The following CUL9 variants were observed in gnomAD, a reference collection of about 807,000 sequenced individuals.
CUL9 encodes the protein cullin 9, also known as cullin-9.
A neutral mutation model predicts 272.6 loss-of-function variants in CUL9; 79 were observed. The observed-to-expected ratio is 0.29, with a 90% CI of 0.24 to 0.35. The LOEUF (loss-of-function observed/expected upper bound fraction) is 0.35, where lower values mean the gene tolerates loss of function less well. Among genes scored for constraint, CUL9 ranks in the 10% least tolerant of loss-of-function variants. CUL9 has a pLI of 1.00. For missense variants in CUL9, 2,532 were observed against 3,255.6 expected, an observed-to-expected ratio of 0.78 and a Z score of 5.41; for synonymous variants, 1,186 against 1,286.5, an observed-to-expected ratio of 0.92 and a Z score of 1.67.
chr6:43,215,949 A>G (rs1171759989), intron 30 of CUL9, among the ~76,000 whole-genome samples: 4 of 152,198 alleles, frequency 2.6e-5, no homozygotes, highest in Non-Finnish European at 5.9e-5. Flanking sequence ...TTTTGTCCCC[A>G]GTCATTGCAA....
At position 43,185,454 on chromosome 6, in the gene CUL9, A is replaced by G; in HGVS notation, c.596-2A>G. ...AAGATATGGATTGGGTATGGATTAC[A>G]GGGAGTCGGGCTCACGTCCTTCTAT... On this transcript the variant is annotated splice_acceptor_variant, in intron 2 of 40. Transcript: ENST00000252050. LOFTEE classifies it high-confidence loss of function. The G allele has an allele frequency of 1.2e-6, 2 of 1,613,274 alleles. No homozygotes were observed. The highest frequency in any genetic ancestry group is 2.2e-5 in the South Asian group (2 of 91,074).
chr6:43,220,564 C>T lies in CUL9; in HGVS notation c.6388C>T (p.Arg2130Cys), dbSNP rs1170514062. ...CPAQPTGAFI[R>C]AIVSSPEVIS... ...CGCCCAGCCCACCGGAGCCTTCATT[C>T]GTGCCATCGTCTCCTCGCCAGAGGT... is the stretch of plus-strand genomic sequence containing the variant. The change falls in exon 32 of 41, where the codon CGT (arginine) becomes TGT (cysteine). Residue 2130 changes from arginine (R) to cysteine (C), a missense_variant. Physicochemically the swap from Arg to Cys is radical, Grantham distance 180. Coordinates refer to ENST00000252050, the MANE Select transcript of CUL9 (RefSeq NM_015089.4). The surrounding 1 kb of genome is among the most constrained non-coding windows in gnomAD (Gnocchi z 4.9). 6.2e-6 allele frequency: 10 copies of T among 1,614,032 alleles called. No homozygotes were observed. Among genetic ancestry groups the T allele is most frequent in the Admixed American group, 3.3e-5 (2 of 59,994 alleles).
Position 43,200,274 on chromosome 6 carries a change from A to G in CUL9, c.3384+118A>G, listed in dbSNP as rs771637137. The G allele has an allele frequency of 1.2e-5, 17 of 1,446,438 alleles. No homozygotes were observed. In the East Asian group the frequency reaches 4.1e-4, roughly 35 times the overall value. The allele number at this position is 1,446,438 out of a possible 1,614,324, so 89.6% of individuals were successfully genotyped here. The stretch of plus-strand genomic sequence containing the variant: ...GCACAGGTTGTAGCAAATCTGGGGC[A>G]CTTGTTTCCTAACCTTGACTCCACA... On this transcript the variant is annotated intron_variant, in intron 14 of 40. Coordinates refer to ENST00000252050, the MANE Select transcript of CUL9 (RefSeq NM_015089.4). The surrounding 1 kb of genome is among the most constrained non-coding windows in gnomAD (Gnocchi z 4.0).
intron 26 of CUL9, among the ~76,000 whole-genome samples, chr6:43,211,886 CCT>C (rs1775533053): frequency 6.6e-6 from 1 of 152,070 alleles, no homozygotes; most frequent in Non-Finnish European, 1.5e-5. Context: ...CTCATATTTC[CCT>C]GATTGCCTTG....
chr6:43,223,696 C>T lies in CUL9; in HGVS notation c.7284+299C>T. ...GGGAACTTTTCCAGACTGTACTTCC[C>T]AGATAGGGATTTGAAATCCTAAGAG... is the stretch of plus-strand genomic sequence containing the variant. On this transcript the variant is annotated intron_variant, in intron 39 of 40. Transcript: ENST00000252050. The surrounding 1 kb of genome is among the most constrained non-coding windows in gnomAD (Gnocchi z 4.1). 1 of 517,632 alleles carries T rather than the reference C, an allele frequency of 1.9e-6. No homozygotes were observed. The highest frequency in any genetic ancestry group is 3.2e-5 in the East Asian group (1 of 31,336). 32.1% of individuals were successfully genotyped at this position (517,632 alleles called of 1,614,324 possible).
chr6:43,189,503 A>C (rs372405240), intron 8 of CUL9, among the ~76,000 whole-genome samples: 9 of 152,132 alleles, frequency 5.9e-5, no homozygotes, highest in African/African-American at 2.2e-4. Context: ...TAAATTATAC[A>C]AATAACACAC....
chr6:43,203,277 G>A lies in CUL9; in HGVS notation c.3849+73G>A, dbSNP rs758258344. Reference sequence around the variant, plus strand: ...AAGTTTCTCCTTGATCTGCTTGGGAGATGGCCCAGGACCTGTTGAGTCCCA... The same window carrying A: ...AAGTTTCTCCTTGATCTGCTTGGGAAATGGCCCAGGACCTGTTGAGTCCCA... On this transcript the variant is annotated intron_variant, in intron 18 of 40. Coordinates refer to ENST00000252050, the MANE Select transcript of CUL9 (RefSeq NM_015089.4). This position sits in a 1 kb window ranked among gnomAD's most constrained non-coding sequence, Gnocchi z 5.0. The A allele has an allele frequency of 3.4e-5, 54 of 1,598,590 alleles. No individual in the cohort carries two copies. The highest frequency in any genetic ancestry group is 4.5e-5 in the Non-Finnish European group (53 of 1,166,546).
chr6:43,203,765 AG>A lies in CUL9; in HGVS notation c.4026-85del. 1.3e-6 allele frequency: 2 copies of A among 1,536,800 alleles called. No homozygotes were observed. Among genetic ancestry groups the A allele is most frequent in the Non-Finnish European group, 1.8e-6 (2 of 1,137,806 alleles). On this transcript the variant is annotated intron_variant, in intron 19 of 40. Transcript: ENST00000252050. This position sits in a 1 kb window ranked among gnomAD's most constrained non-coding sequence, Gnocchi z 5.0. ...GGAAAAGTTGGGTCAGGGACCGAAC[AG>A]GGGTGATTGGGAGCTGATCTGCACT...
rs193011386 is a variant in CUL9, at chr6:43,224,539, G to C, written c.*94G>C. On this transcript the variant is annotated 3_prime_UTR_variant, in exon 41 of 41. Coordinates refer to ENST00000252050, the MANE Select transcript of CUL9 (RefSeq NM_015089.4). This position sits in a 1 kb window ranked among gnomAD's most constrained non-coding sequence, Gnocchi z 4.2. ...TGTCATAGGGAGGGGGATTCCCAGC[G>C]TCTGTAGTGCTTCCTGTTTGCTGAA... 3 of 1,162,242 alleles carry C rather than the reference G, an allele frequency of 2.6e-6. No homozygotes were observed. The highest frequency in any genetic ancestry group is 3.6e-6 in the Non-Finnish European group (3 of 827,222). The allele number at this position is 1,162,242 out of a possible 1,614,324, so 72.0% of individuals were successfully genotyped here.
chr6:43,205,150 T>C (rs1257801160), intron 23 of CUL9, 35 bp downstream of exon 23: 1 of 1,574,190 alleles, frequency 6.4e-7, no homozygotes, highest in Non-Finnish European at 8.6e-7. Flanking sequence ...GGCTATAAGC[T>C]TGTGTTCCAA....
In CUL9 at chr6:43,196,215, C is replaced by A; in HGVS notation, c.2535C>A (p.Ser845Arg). 6.2e-7 allele frequency: 1 copy of A among 1,614,154 alleles called. No individual in the cohort carries two copies. The highest frequency in any genetic ancestry group is 8.5e-7 in the Non-Finnish European group (1 of 1,180,046). The part of the protein sequence containing the change: ...IDSATRPGSE[S>R]LLLTVPAAVI... ...CAGCCACACGCCCGGGCTCTGAGAG[C>A]CTGCTCCTCACTGTCCCTGCAGCCG... The change falls in exon 10 of 41, where the codon AGC becomes AGA. Residue 845 changes from serine (S) to arginine (R), a missense_variant. This residue lies in a region of CUL9 where 2,218 missense variants were observed against 2,788.6 expected (regional missense o/e 0.80). Coordinates refer to ENST00000252050, the MANE Select transcript of CUL9 (RefSeq NM_015089.4).
At position 43,216,509 on chromosome 6, in the gene CUL9, GC is replaced by G; in HGVS notation, c.6282+10del. ...GCATGCACTATTGCTGTAAGGTGAG[GC>G]CCCACCAGCATTGCTCCTGCCCCTG... On this transcript the variant is annotated splice_region_variant and intron_variant, in intron 31 of 40. Transcript: ENST00000252050. 1 of 1,573,916 alleles carries G rather than the reference GC, an allele frequency of 6.4e-7. No individual in the cohort carries two copies. The highest frequency in any genetic ancestry group is 1.3e-5 in the African/African-American group (1 of 74,300).
In CUL9 at chr6:43,213,441, G is replaced by A; in HGVS notation, c.5362G>A (p.Val1788Met). 1 of 1,614,110 alleles carries A rather than the reference G, an allele frequency of 6.2e-7. No individual in the cohort carries two copies. Among genetic ancestry groups the A allele is most frequent in the South Asian group, 1.1e-5 (1 of 91,088 alleles). Reference protein sequence around the residue: ...LLLKFNQTEEVSVETLLKDSD... With the variant: ...LLLKFNQTEEMSVETLLKDSD... ...ACTGGGCGTTTCTGCTCATCAGGAGGTGTCAGTAGAGACCTTGCTGAAGGA... is the reference window on the plus strand; with the variant it reads ...ACTGGGCGTTTCTGCTCATCAGGAGATGTCAGTAGAGACCTTGCTGAAGGA... Residue 1788 changes from valine (V) to methionine (M), a missense_variant, in exon 28 of 41, where the codon GTG (valine) becomes ATG (methionine). Physicochemically the swap from Val to Met is conservative, Grantham distance 21. Transcript: ENST00000252050. This position sits in a 1 kb window ranked among gnomAD's most constrained non-coding sequence, Gnocchi z 5.7.
At position 43,220,028 on chromosome 6, in the gene CUL9, G is replaced by A. The variant is rs2651195; in HGVS notation, c.6283-431G>A. Among the ~76,000 whole-genome samples, 18,409 of 152,068 alleles carry A rather than the reference G, an allele frequency of 0.12. 2,663 individuals carry two copies. Among genetic ancestry groups the A allele is most frequent in the African/African-American group, 0.35 (14,404 of 41,406 alleles). On this transcript the variant is annotated intron_variant, in intron 31 of 40. Coordinates refer to ENST00000252050, the MANE Select transcript of CUL9 (RefSeq NM_015089.4). This position sits in a 1 kb window ranked among gnomAD's most constrained non-coding sequence, Gnocchi z 4.9. ...AAGTCAGAGACAGGAGCATCCGGAC[G>A]GTCATTGGAGATAAGCCACTGGAGC...
At chr6:43,214,939 T>G (rs190545507) in intron 29 of CUL9, 140 bp from the exon 30 acceptor site, 1 of 933,084 alleles carries the variant, frequency 1.1e-6, no homozygotes, top group Non-Finnish European at 1.6e-6. Flanking sequence ...ATCAGGCCAC[T>G]GCACTCTGGC....
chr6:43,224,053 T>A lies in CUL9; in HGVS notation c.7285-42T>A. The A allele has an allele frequency of 6.3e-7, 1 of 1,597,518 alleles. No homozygotes were observed. Among genetic ancestry groups the A allele is most frequent in the Non-Finnish European group, 8.6e-7 (1 of 1,165,012 alleles). On this transcript the variant is annotated intron_variant, in intron 39 of 40. Transcript: ENST00000252050. This position sits in a 1 kb window ranked among gnomAD's most constrained non-coding sequence, Gnocchi z 4.2. ...AGGAATGCTGGGTCCAAAGGCCCCA[T>A]GCCCTCTACCTCCTTCTCAAATCCT...
chr6:43,217,183 C>T (rs1182429897), intron 31 of CUL9, among the ~76,000 whole-genome samples: 1 of 152,080 alleles, frequency 6.6e-6, no homozygotes, highest in African/African-American at 2.4e-5. Context: ...TGGCAAGACC[C>T]CGTCTCTACA....
In CUL9 at chr6:43,200,318, G is replaced by A. The variant is rs1774403116; in HGVS notation, c.3385-118G>A. On this transcript the variant is annotated intron_variant, in intron 14 of 40. Coordinates refer to ENST00000252050, the MANE Select transcript of CUL9 (RefSeq NM_015089.4). The surrounding 1 kb of genome is among the most constrained non-coding windows in gnomAD (Gnocchi z 4.0). ...CTCCACATGGTTCTGTCAAAATGTGGGGAGAGAGGAGTTGAGTATACCGTT... is the reference window on the plus strand; with the variant it reads ...CTCCACATGGTTCTGTCAAAATGTGAGGAGAGAGGAGTTGAGTATACCGTT... 1 of 1,545,452 alleles carries A rather than the reference G, an allele frequency of 6.5e-7. No individual in the cohort carries two copies. The highest frequency in any genetic ancestry group is 8.9e-7 in the Non-Finnish European group (1 of 1,128,018).
intron 26 of CUL9, among the ~76,000 whole-genome samples, chr6:43,210,205 C>T (rs1315869123): frequency 1.3e-5 from 2 of 152,096 alleles, no homozygotes; most frequent in Admixed American, 6.6e-5. Context: ...TCTCGAACTC[C>T]TGACCTTGTG....
Sources: gnomAD v4.1 joint callset for allele counts (sites outside exome capture counted in the v4.1 genomes callset) on GRCh38, gnomAD v4.1.1 for gene constraint, gnomAD v4.1.1 regional missense constraint, Gnocchi (gnomAD v3.1) non-coding constraint, MANE v1.5 for transcripts, NCBI Gene and HGNC (gene_info 2026-07-23, HGNC 2026-07-21) for gene names.